ZNF485: variants seen among roughly 807,000 people sequenced by gnomAD.
ZNF485 encodes zinc finger protein 485, also known as Zinc finger protein 93 (Zinc finger protein HTF34).
ZNF485 carries 9 observed loss-of-function variants against 10.8 expected under a neutral mutation model. That is an observed-to-expected ratio of 0.83 (90% CI 0.50 to 1.45). ZNF485 has a LOEUF of 1.45. Among genes scored for constraint, ZNF485 ranks in the 40% most tolerant of loss-of-function variants. The pLI, the probability that ZNF485 is intolerant of heterozygous loss-of-function variation, is 0.00. For missense variants in ZNF485, 487 were observed against 528.0 expected, an observed-to-expected ratio of 0.92 and a Z score of 0.76; for synonymous variants, 187 against 181.0, an observed-to-expected ratio of 1.03 and a Z score of -0.27.
chr10:43,616,014 G>C (rs1033938788), intron 4 of ZNF485, among the ~76,000 whole-genome samples: 4 of 151,952 alleles, frequency 2.6e-5, no homozygotes, highest in Non-Finnish European at 4.4e-5. Flanking sequence ...GCTGTTTCCT[G>C]TGTTGTCTTC....
At chr10:43,614,860 A>T (rs1429014106) in intron 4 of ZNF485, among the ~76,000 whole-genome samples, 3 of 151,862 alleles carry the variant, frequency 2.0e-5, no homozygotes, top group African/African-American at 4.8e-5. Context: ...GGGTTTATAT[A>T]TTTTTTTTCT....
In ZNF485 at chr10:43,617,437, C is replaced by A; in HGVS notation, c.*68C>A. The A allele has an allele frequency of 1.7e-6, 2 of 1,153,676 alleles. No homozygotes were observed. Among genetic ancestry groups the A allele is most frequent in the Non-Finnish European group, 2.4e-6 (2 of 818,198 alleles). The allele number at this position is 1,153,676 out of a possible 1,614,324, so 71.5% of individuals were successfully genotyped here. On this transcript the variant is annotated 3_prime_UTR_variant, in exon 5 of 5. Transcript: ENST00000361807. ...TAGAGGAGACATTAAATAAATTATG[C>A]ATTTAACAGAAATACTCTGTACTTC...
At chr10:43,612,130 A>G (rs1223852285) in intron 4 of ZNF485, among the ~76,000 whole-genome samples, 1 of 152,192 alleles carries the variant, frequency 6.6e-6, no homozygotes, top group East Asian at 1.9e-4. Context: ...GCTGAATTTT[A>G]TTAAATGCCT....
At chr10:43,611,701 A>G (rs1010699207) in intron 4 of ZNF485, among the ~76,000 whole-genome samples, 22 of 152,158 alleles carry the variant, frequency 1.4e-4, no homozygotes, top group African/African-American at 5.3e-4. Context: ...CTGAGAGGTG[A>G]AAATATTTTA....
intron 4 of ZNF485, among the ~76,000 whole-genome samples, chr10:43,613,165 G>A (rs937801898): frequency 6.6e-6 from 1 of 152,250 alleles, no homozygotes; most frequent in South Asian, 2.1e-4. Context: ...GCCTAAATTA[G>A]TATTTTAAAA....
At position 43,617,300 on chromosome 10, in the gene ZNF485, T is replaced by A; in HGVS notation, c.1257T>A (p.Phe419Leu). The change falls in exon 5 of 5, where the codon TTT (phenylalanine) becomes TTA (leucine). Residue 419 changes from phenylalanine to leucine, a missense_variant. Coordinates refer to ENST00000361807, the MANE Select transcript of ZNF485 (RefSeq NM_145312.4). ...PYKCNECGKA[F>L]PRSSALKQHK... The stretch of plus-strand genomic sequence containing the variant: ...AATGTAATGAATGTGGGAAAGCTTT[T>A]CCCCGAAGTTCAGCCCTTAAGCAAC... The A allele has an allele frequency of 6.2e-7, 1 of 1,603,618 alleles. No individual in the cohort carries two copies. Among genetic ancestry groups the A allele is most frequent in the South Asian group, 1.1e-5 (1 of 89,200 alleles).
In ZNF485 at chr10:43,616,283, T is replaced by C; in HGVS notation, c.248-8T>C. Reference sequence around the variant, plus strand: ...AAGAACATTTGAATTTTTAAAATTTTCTTTCAGTCGAGGATTACTGGTTTG... The same window carrying C: ...AAGAACATTTGAATTTTTAAAATTTCCTTTCAGTCGAGGATTACTGGTTTG... On this transcript the variant is annotated splice_region_variant and splice_polypyrimidine_tract_variant and intron_variant, in intron 4 of 4. Coordinates refer to ENST00000361807, the MANE Select transcript of ZNF485 (RefSeq NM_145312.4). The C allele has an allele frequency of 6.5e-7, 1 of 1,540,844 alleles. No individual in the cohort carries two copies. The highest frequency in any genetic ancestry group is 1.3e-5 in the South Asian group (1 of 78,718).
intron 4 of ZNF485, among the ~76,000 whole-genome samples, chr10:43,615,097 A>G (rs1259711575): frequency 1.3e-5 from 2 of 152,226 alleles, no homozygotes; most frequent in Non-Finnish European, 2.9e-5. Context: ...CATTTCCTTG[A>G]AAAAATAAGT....
intron 4 of ZNF485, among the ~76,000 whole-genome samples, chr10:43,615,151 T>C (rs964219501): frequency 1.3e-5 from 2 of 152,258 alleles, no homozygotes; most frequent in Non-Finnish European, 2.9e-5. Context: ...CCCAGACTAC[T>C]AAGTATAAAT....
At position 43,617,531 on chromosome 10, in the gene ZNF485, A is replaced by C; in HGVS notation, c.*162A>C. On this transcript the variant is annotated 3_prime_UTR_variant, in exon 5 of 5. Coordinates refer to ENST00000361807, the MANE Select transcript of ZNF485 (RefSeq NM_145312.4). The stretch of plus-strand genomic sequence containing the variant: ...ACTAGTGAAATATTTGAAGAAACTA[A>C]ATGTATGTCAGTATGGAAGTAGTTA... 1 of 585,310 alleles carries C rather than the reference A, an allele frequency of 1.7e-6. No individual in the cohort carries two copies. The highest frequency in any genetic ancestry group is 2.9e-6 in the Non-Finnish European group (1 of 342,146). 36.3% of individuals were successfully genotyped at this position (585,310 alleles called of 1,614,324 possible). A position where few individuals can be genotyped will look rare whatever the true frequency, so the allele number is the denominator to read the frequency against.
rs776598437 is a variant in ZNF485 at position 43,609,301 on chromosome 10, G to A, written c.198G>A (p.Gly66=). Reference sequence around the variant, plus strand: ...AACTAATTACTCAGTTGGAGCAAGGGGCAGAGCCCTGGACTGAGGTGCGAG... The same window carrying A: ...AACTAATTACTCAGTTGGAGCAAGGAGCAGAGCCCTGGACTGAGGTGCGAG... ...KPKLITQLEQ[G]AEPWTEVREA... Residue 66 remains glycine (G), a synonymous_variant, in exon 4 of 5, where the codon GGG becomes GGA. Coordinates refer to ENST00000361807, the MANE Select transcript of ZNF485 (RefSeq NM_145312.4). 1 of 1,614,074 alleles carries A rather than the reference G, an allele frequency of 6.2e-7. No homozygotes were observed. Among genetic ancestry groups the A allele is most frequent in the Non-Finnish European group, 8.5e-7 (1 of 1,179,978 alleles).
In ZNF485 at chr10:43,616,619, G is replaced by A. The variant is rs758595851; in HGVS notation, c.576G>A (p.Gly192=). 9.3e-6 allele frequency: 15 copies of A among 1,614,208 alleles called. No individual in the cohort carries two copies. The highest frequency in any genetic ancestry group is 1.3e-5 in the Non-Finnish European group (15 of 1,180,044). The change falls in exon 5 of 5, where the codon GGG becomes GGA. Residue 192 remains glycine, a synonymous_variant. Transcript: ENST00000361807. Reference sequence around the variant, plus strand: ...AGCCTTATAGATGTATTGAATGTGGGAAGTTCCTGAAGAAGCACTCAACGT... The same window carrying A: ...AGCCTTATAGATGTATTGAATGTGGAAAGTTCCTGAAGAAGCACTCAACGT... ...GKQPYRCIEC[G]KFLKKHSTFI...
intron 3 of ZNF485, 93 bp from the exon 4 acceptor site, chr10:43,609,162 T>G (rs1588839153): frequency 1.0e-6 from 1 of 955,476 alleles, no homozygotes; most frequent in East Asian, 2.6e-5. Context: ...GACACTGAGG[T>G]CTGGAGTGAC....
intron 3 of ZNF485, among the ~76,000 whole-genome samples, 183 bp downstream of exon 3, chr10:43,608,923 A>G (rs1009636578): frequency 1.3e-5 from 2 of 152,224 alleles, no homozygotes; most frequent in African/African-American, 4.8e-5. Flanking sequence ...GGTCAGAGCC[A>G]TACAGAGTTA....
intron 4 of ZNF485, among the ~76,000 whole-genome samples, chr10:43,615,589 A>G (rs996995844): frequency 6.6e-6 from 1 of 152,112 alleles, no homozygotes; most frequent in Non-Finnish European, 1.5e-5. Flanking sequence ...TTTAGTAGAG[A>G]CAGGGTTTTG....
chr10:43,617,423 T>G lies in ZNF485; in HGVS notation c.*54T>G. 8.0e-7 allele frequency: 1 copy of G among 1,250,068 alleles called. No individual in the cohort carries two copies. Among genetic ancestry groups the G allele is most frequent in the South Asian group, 1.6e-5 (1 of 63,192 alleles). 77.4% of individuals were successfully genotyped at this position (1,250,068 alleles called of 1,614,324 possible). ...CCTTCTGACCATCATAGAGGAGACATTAAATAAATTATGCATTTAACAGAA... is the reference window on the plus strand; with the variant it reads ...CCTTCTGACCATCATAGAGGAGACAGTAAATAAATTATGCATTTAACAGAA... On this transcript the variant is annotated 3_prime_UTR_variant, in exon 5 of 5. Transcript: ENST00000361807.
chr10:43,610,574 T>C (rs960270317), intron 4 of ZNF485, among the ~76,000 whole-genome samples: 13 of 152,240 alleles, frequency 8.5e-5, no homozygotes, highest in Non-Finnish European at 1.6e-4. Context: ...TTCTTTGTTC[T>C]TTCTGTTTTA....
intron 1 of ZNF485, 88 bp from the exon 2 acceptor site, chr10:43,606,909 C>T: frequency 5.0e-6 from 5 of 991,020 alleles, no homozygotes; most frequent in Non-Finnish European, 7.6e-6. Context: ...GTGGAGGGAA[C>T]GGGCGGGCGG....
chr10:43,608,839 T>C, intron 3 of ZNF485, 99 bp downstream of exon 3: 1 of 1,485,666 alleles, frequency 6.7e-7, no homozygotes, highest in African/African-American at 1.4e-5. Flanking sequence ...TCTTAAATGA[T>C]GTGCTTTTTG....
Sources: allele counts gnomAD v4.1 joint callset (sites outside exome capture counted in the v4.1 genomes callset), GRCh38; gene constraint gnomAD v4.1.1; transcripts MANE v1.5; gene names NCBI Gene and HGNC (gene_info 2026-07-23, HGNC 2026-07-21).